The following KSR2 variants were observed in gnomAD, a reference collection of about 807,000 sequenced individuals.
KSR2 encodes kinase suppressor of ras 2.
A neutral mutation model predicts 107.8 loss-of-function variants in KSR2; 25 were observed. The observed-to-expected ratio is 0.23, with a 90% CI of 0.17 to 0.32. KSR2 has a LOEUF of 0.32. Ranked by LOEUF, KSR2 falls within the 10% of genes least tolerant of loss-of-function variation. The pLI is 1.00. For synonymous variants in KSR2, 480 were observed against 507.0 expected (o/e 0.95, Z 0.71); for missense variants, 887 against 1,268.9 (o/e 0.70, Z 4.57).
At chr12:117,828,359 C>T (rs529157443) in intron 3 of KSR2, among the ~76,000 whole-genome samples, 16 of 152,318 alleles carry the variant, frequency 1.1e-4, no homozygotes, top group East Asian at 3.9e-4. Context: ...ATCCAGAACA[C>T]GGCAGCACGT....
intron 4 of KSR2, among the ~76,000 whole-genome samples, chr12:117,727,544 AGGAG>A (rs1341969930): frequency 6.6e-6 from 1 of 151,990 alleles, no homozygotes; most frequent in Middle Eastern, 3.2e-3. Context: ...GAAGAGGAGG[AGGAG>A]GAACACACTG....
chr12:117,849,213 G>A (rs1171619261), intron 3 of KSR2, among the ~76,000 whole-genome samples: 1 of 152,082 alleles, frequency 6.6e-6, no homozygotes, highest in Admixed American at 6.6e-5. Flanking sequence ...CGCTTAGCCT[G>A]CTGCACGTCT....
intron 4 of KSR2, among the ~76,000 whole-genome samples, chr12:117,673,670 C>T (rs1885006739): frequency 6.6e-6 from 1 of 151,568 alleles, no homozygotes; most frequent in African/African-American, 2.4e-5. Flanking sequence ...CCCTCATTAC[C>T]AAGGCATGGT....
rs1592918232 is a variant in KSR2, at chr12:117,485,586, C to T, written c.2316+9G>A. ...AGATTTAGATAGGAGGCCCAAGAGC[C>T]GACAGTACCTTCACAATTTCTTGAG... On this transcript the variant is annotated intron_variant, in intron 15 of 19. Coordinates refer to ENST00000339824, the MANE Select transcript of KSR2 (RefSeq NM_173598.6). 25 of 1,610,824 alleles carry T rather than the reference C, an allele frequency of 1.6e-5. No homozygotes were observed. Among genetic ancestry groups the T allele is most frequent in the African/African-American group, 2.7e-5 (2 of 74,980 alleles).
At position 117,943,500 on chromosome 12, in the gene KSR2, CAAAAAAAAAAAA is replaced by C. The variant is rs35125662; in HGVS notation, c.180+24564_180+24575del. On this transcript the variant is annotated intron_variant, in intron 1 of 19. Transcript: ENST00000339824. ...CCTTATGTGTCCTTATCCACCTAGC[CAAAAAAAAAAAA>C]AAAAAAAAAAAAAAACCTCATAGCA... Among the ~76,000 whole-genome samples, 24 of 52,944 alleles carry C rather than the reference CAAAAAAAAAAAA, an allele frequency of 4.5e-4. No individual in the cohort carries two copies. In the East Asian group the frequency reaches 7.6e-3, roughly 17 times the overall value. The allele number at this position is 52,944 out of a possible 152,430, so 34.7% of individuals were successfully genotyped here.
At chr12:117,866,496 T>TA (rs1893474495) in intron 1 of KSR2, among the ~76,000 whole-genome samples, 1 of 152,246 alleles carries the variant, frequency 6.6e-6, no homozygotes, top group Non-Finnish European at 1.5e-5. Flanking sequence ...TTACAATAGT[T>TA]ACACATGGCT....
chr12:117,592,337 C>T (rs556526757), intron 5 of KSR2, among the ~76,000 whole-genome samples: 43 of 152,074 alleles, frequency 2.8e-4, no homozygotes, highest in Non-Finnish European at 5.7e-4. Flanking sequence ...TGGTCTCTAA[C>T]TGCCGACCTC....
chr12:117,966,611 T>TCACACACACACACACA (rs1377075943), intron 1 of KSR2, among the ~76,000 whole-genome samples: 9 of 77,162 alleles, frequency 1.2e-4, no homozygotes, highest in African/African-American at 4.4e-4. Context: ...TCTCTCTCTC[T>TCACACACACACACACA]CACACGCGCA....
chr12:117,718,288 A>C (rs1465514893), intron 4 of KSR2, among the ~76,000 whole-genome samples: 3 of 151,702 alleles, frequency 2.0e-5, no homozygotes, highest in Non-Finnish European at 2.9e-5. Flanking sequence ...AAAGAGGATC[A>C]TAACAAAGGC....
At chr12:117,786,736 C>T (rs1362761617) in intron 3 of KSR2, among the ~76,000 whole-genome samples, 2 of 151,764 alleles carry the variant, frequency 1.3e-5, no homozygotes, top group East Asian at 3.9e-4. Context: ...GAATCACATG[C>T]ACCCAGGAAG....
chr12:117,661,449 A>T, intron 5 of KSR2, among the ~76,000 whole-genome samples: 1 of 152,308 alleles, frequency 6.6e-6, no homozygotes, highest in African/African-American at 2.4e-5. Context: ...AAAGAAAGAA[A>T]GAGGGAGAGA....
At chr12:117,544,235 A>G (rs147945930) in intron 9 of KSR2, among the ~76,000 whole-genome samples, 1 of 152,302 alleles carries the variant, frequency 6.6e-6, no homozygotes, top group Non-Finnish European at 1.5e-5. Context: ...TTTATCAGAT[A>G]TACACCAAAG....
intron 5 of KSR2, among the ~76,000 whole-genome samples, chr12:117,590,780 G>A (rs1452329514): frequency 6.6e-6 from 1 of 152,176 alleles, no homozygotes; most frequent in Non-Finnish European, 1.5e-5. Flanking sequence ...AACAGAGACA[G>A]TATGGTCCAC....
At chr12:117,836,335 G>C (rs1351356779) in intron 3 of KSR2, among the ~76,000 whole-genome samples, 1 of 152,004 alleles carries the variant, frequency 6.6e-6, no homozygotes, top group Non-Finnish European at 1.5e-5. Flanking sequence ...AGATACTGGA[G>C]GCAGAACAGG....
intron 7 of KSR2, among the ~76,000 whole-genome samples, chr12:117,578,525 C>A (rs917178164): frequency 1.3e-4 from 19 of 150,996 alleles, no homozygotes; most frequent in African/African-American, 4.4e-4. Flanking sequence ...TTGCTTGAAC[C>A]CAGGAAGTGG....
intron 3 of KSR2, among the ~76,000 whole-genome samples, chr12:117,852,027 GTA>G (rs762772330): frequency 6.6e-6 from 1 of 152,150 alleles, no homozygotes; most frequent in South Asian, 2.1e-4. Flanking sequence ...TTGTGTATGT[GTA>G]TGTGTAGCTG....
At chr12:117,953,817 G>A (rs1371866322) in intron 1 of KSR2, among the ~76,000 whole-genome samples, 2 of 152,240 alleles carry the variant, frequency 1.3e-5, no homozygotes, top group Non-Finnish European at 1.5e-5. Flanking sequence ...GCAGGGCACA[G>A]TGACTCATGC....
intron 4 of KSR2, among the ~76,000 whole-genome samples, chr12:117,709,659 C>A (rs148545070): frequency 2.3e-3 from 354 of 152,314 alleles, no homozygotes; most frequent in African/African-American, 8.1e-3. Flanking sequence ...GCTGGGGACA[C>A]AGCGGTTAGC....
At chr12:117,786,428 C>A (rs992954310) in intron 3 of KSR2, among the ~76,000 whole-genome samples, 1 of 151,972 alleles carries the variant, frequency 6.6e-6, no homozygotes, top group Non-Finnish European at 1.5e-5. Flanking sequence ...ATTTCACCAC[C>A]CAAGTACTAA....
Sources: gnomAD v4.1 joint callset for allele counts (sites outside exome capture counted in the v4.1 genomes callset) on GRCh38, gnomAD v4.1.1 for gene constraint, MANE v1.5 for transcripts, NCBI Gene and HGNC (gene_info 2026-07-23, HGNC 2026-07-21) for gene names.